The following SPOCK1 variants were observed in gnomAD, a reference collection of about 807,000 sequenced individuals.
SPOCK1 encodes SPARC (osteonectin), cwcv and kazal like domains proteoglycan 1.
SPOCK1 carries 23 observed loss-of-function variants against 55.3 expected under a neutral mutation model. The ratio of observed to expected loss-of-function variants is 0.42; its 90% CI spans 0.30 to 0.59. SPOCK1 has a LOEUF of 0.59. SPOCK1 is among the 20% of genes least tolerant of loss of function. The probability of loss-of-function intolerance (pLI) is 0.22; values close to 1 mark genes in which losing one functional copy is unlikely to be tolerated. For missense variants in SPOCK1, 499 were observed against 552.5 expected, an observed-to-expected ratio of 0.90 and a Z score of 0.97; for synonymous variants, 226 against 221.0, an observed-to-expected ratio of 1.02 and a Z score of -0.20.
intron 6 of SPOCK1, among the ~76,000 whole-genome samples, chr5:137,009,877 C>T (rs764333155): frequency 1.3e-5 from 2 of 151,994 alleles, no homozygotes; most frequent in Admixed American, 1.3e-4. Context: ...GCTTGGTCTC[C>T]CCTCTCCTAA....
At chr5:137,352,583 A>G (rs966462956) in intron 2 of SPOCK1, among the ~76,000 whole-genome samples, 1 of 152,206 alleles carries the variant, frequency 6.6e-6, no homozygotes, top group South Asian at 2.1e-4. Flanking sequence ...CACAGCTCGT[A>G]TAACAGCTCA....
chr5:137,360,428 A>G (rs986073181), intron 2 of SPOCK1, among the ~76,000 whole-genome samples: 14 of 152,210 alleles, frequency 9.2e-5, no homozygotes, highest in African/African-American at 3.4e-4. Context: ...GGATCTCACA[A>G]CAGTGCTGCT....
In SPOCK1 at chr5:137,498,523, C is replaced by A. The variant is rs1161106454; in HGVS notation, c.36G>T (p.Ala12=). The A allele has an allele frequency of 6.5e-7, 1 of 1,547,566 alleles. No homozygotes were observed. ...TCTCGACTTGGAGGAAGCACCACGCCGCGGCGGCCGCCGCCAACACCGCGA... is the reference window on the plus strand; with the variant it reads ...TCTCGACTTGGAGGAAGCACCACGCAGCGGCGGCCGCCGCCAACACCGCGA... ...PAIAVLAAAA[A]AWCFLQVESR... The change falls in exon 2 of 11, where the codon GCG becomes GCT. Residue 12 remains alanine (A), a synonymous_variant. Transcript: ENST00000394945.
rs1554096437 is a variant in SPOCK1, at chr5:137,079,543, C to CCCCA, written c.475-11715_475-11714insTGGG. Reference sequence around the variant, plus strand: ...ACCATCCCATCTGATTCCCCCCCCCCCCGACTTAGTGAAATGTCGTACCAA... The same window carrying CCCCA: ...ACCATCCCATCTGATTCCCCCCCCCCCCCACCGACTTAGTGAAATGTCGTACCAA... On this transcript the variant is annotated intron_variant, in intron 5 of 10. Coordinates refer to ENST00000394945, the MANE Select transcript of SPOCK1 (RefSeq NM_004598.4). Among the ~76,000 whole-genome samples the CCCCA allele has an allele frequency of 8.8e-5, 13 of 147,834 alleles. 1 individual carries two copies. The highest frequency in any genetic ancestry group is 2.8e-4 in the African/African-American group (11 of 39,488).
At chr5:137,266,437 G>A (rs887240797) in intron 3 of SPOCK1, among the ~76,000 whole-genome samples, 1 of 152,184 alleles carries the variant, frequency 6.6e-6, no homozygotes, top group African/African-American at 2.4e-5. Flanking sequence ...GCTATCATGA[G>A]AGACTGGTTT....
chr5:137,397,840 C>G (rs1751887333), intron 2 of SPOCK1, among the ~76,000 whole-genome samples: 1 of 152,188 alleles, frequency 6.6e-6, no homozygotes, highest in Non-Finnish European at 1.5e-5. Context: ...CATCGCTCCC[C>G]CAGGAAGCCT....
At position 137,160,132 on chromosome 5, in the gene SPOCK1, C is replaced by T. The variant is rs1754497033; in HGVS notation, c.233-19438G>A. Among the ~76,000 whole-genome samples, 3 of 151,588 alleles carry T rather than the reference C, an allele frequency of 2.0e-5. No homozygotes were observed. The South Asian group carries it at 6.2e-4, about 31-fold the overall frequency. On this transcript the variant is annotated intron_variant, in intron 3 of 10. Transcript: ENST00000394945. Reference sequence around the variant, plus strand: ...CACGCCCTTCCCACTCTTCCCAAGTCCCCAAAGTCCATTGTATCATTCTTA... The same window carrying T: ...CACGCCCTTCCCACTCTTCCCAAGTTCCCAAAGTCCATTGTATCATTCTTA...
At chr5:137,398,184 C>T (rs944535074) in intron 2 of SPOCK1, among the ~76,000 whole-genome samples, 1 of 152,110 alleles carries the variant, frequency 6.6e-6, no homozygotes, top group African/African-American at 2.4e-5. Context: ...CATTTCTGAG[C>T]ATCTGCAAAC....
At chr5:137,115,473 C>A (rs554590205) in intron 4 of SPOCK1, among the ~76,000 whole-genome samples, 16 of 152,172 alleles carry the variant, frequency 1.1e-4, no homozygotes, top group Admixed American at 8.5e-4. Flanking sequence ...CATTACCAAC[C>A]TTCAGTTTTA....
intron 2 of SPOCK1, among the ~76,000 whole-genome samples, chr5:137,328,553 C>T (rs576458526): frequency 6.6e-6 from 1 of 152,294 alleles, no homozygotes; most frequent in South Asian, 2.1e-4. Context: ...TTAATACTGA[C>T]GCTAGTCACT....
At chr5:137,222,407 G>A (rs928985134) in intron 3 of SPOCK1, among the ~76,000 whole-genome samples, 3 of 152,128 alleles carry the variant, frequency 2.0e-5, no homozygotes, top group African/African-American at 7.2e-5. Context: ...TAGTAAATTT[G>A]TACATTTGCT....
In SPOCK1 at chr5:137,185,026, T is replaced by A. The variant is rs148606723; in HGVS notation, c.233-44332A>T. On this transcript the variant is annotated intron_variant, in intron 3 of 10. Transcript: ENST00000394945. ...TACGCTTGAGACTATCTTGTCTGTC[T>A]TGTTGACCACTGTATCCAGCACCTA... Among the ~76,000 whole-genome samples, 21 of 152,310 alleles carry A rather than the reference T, an allele frequency of 1.4e-4. No homozygotes were observed. The East Asian group carries it at 4.1e-3, about 29-fold the overall frequency.
chr5:137,029,773 T>C (rs1751742161), intron 6 of SPOCK1, among the ~76,000 whole-genome samples: 1 of 152,182 alleles, frequency 6.6e-6, no homozygotes, highest in South Asian at 2.1e-4. Flanking sequence ...GGCAGAAGGA[T>C]AGTTTAAGGC....
intron 5 of SPOCK1, among the ~76,000 whole-genome samples, chr5:137,090,941 T>C (rs759587489): frequency 4.0e-4 from 60 of 151,736 alleles, no homozygotes; most frequent in Non-Finnish European, 8.2e-4. Context: ...CCCACCCCCA[T>C]CTCTTTACAT....
At chr5:137,157,897 TAAAAATACCA>T (rs1754449649) in intron 3 of SPOCK1, among the ~76,000 whole-genome samples, 1 of 152,126 alleles carries the variant, frequency 6.6e-6, no homozygotes, top group African/African-American at 2.4e-5. Flanking sequence ...CCGTCTTTAC[TAAAAATACCA>T]AAAAATTGGC....
At chr5:137,419,544 T>C (rs956962409) in intron 2 of SPOCK1, among the ~76,000 whole-genome samples, 2 of 152,242 alleles carry the variant, frequency 1.3e-5, no homozygotes, top group African/African-American at 4.8e-5. Context: ...TTCCTAGATA[T>C]TTTATTCTCT....
intron 2 of SPOCK1, among the ~76,000 whole-genome samples, chr5:137,470,211 C>A (rs1476883899): frequency 6.6e-6 from 1 of 152,156 alleles, no homozygotes; most frequent in Non-Finnish European, 1.5e-5. Context: ...GTGAGTGCAT[C>A]CTCAGCTAAA....
chr5:137,185,702 C>CTAGGGTG (rs2127066990), intron 3 of SPOCK1, among the ~76,000 whole-genome samples: 1 of 149,876 alleles, frequency 6.7e-6, no homozygotes, highest in East Asian at 2.1e-4. Flanking sequence ...TACCGTGGTG[C>CTAGGGTG]CAGGGTGCCG....
chr5:137,070,990 T>G (rs1160568749), intron 5 of SPOCK1, among the ~76,000 whole-genome samples: 1 of 151,680 alleles, frequency 6.6e-6, no homozygotes, highest in Non-Finnish European at 1.5e-5. Flanking sequence ...TATGTGGCAT[T>G]TCATATATGT....
Sources: gnomAD v4.1 joint callset for allele counts (sites outside exome capture counted in the v4.1 genomes callset) on GRCh38, gnomAD v4.1.1 for gene constraint, MANE v1.5 for transcripts, NCBI Gene and HGNC (gene_info 2026-07-23, HGNC 2026-07-21) for gene names.